Variants in CTNNA3 observed in about 807,000 individuals in gnomAD.
The protein encoded by CTNNA3 is catenin alpha-3.
In CTNNA3, 76 loss-of-function variants were observed where a neutral mutation model predicts 95.7. That is an observed-to-expected ratio of 0.79 (90% CI 0.66 to 0.96). CTNNA3 has a LOEUF of 0.96. Among genes scored for constraint, CTNNA3 ranks in the 40% least tolerant of loss-of-function variants. CTNNA3 has a pLI of 0.00. For missense variants in CTNNA3, 1,191 were observed against 1,089.8 expected (o/e 1.09, Z -1.31); for synonymous variants, 431 against 374.4 (o/e 1.15, Z -1.74).
intron 9 of CTNNA3, among the ~76,000 whole-genome samples, chr10:66,667,085 A>G (rs1440101115): frequency 2.6e-5 from 4 of 152,136 alleles, no homozygotes; most frequent in Admixed American, 1.3e-4. Flanking sequence ...CCTTAAAACT[A>G]TCTATCTAAC....
intron 11 of CTNNA3, among the ~76,000 whole-genome samples, chr10:66,478,629 AT>A (rs1839408670): frequency 1.3e-5 from 2 of 151,972 alleles, no homozygotes; most frequent in African/African-American, 4.8e-5. Flanking sequence ...TTAGATCATT[AT>A]TAGTAATAAA....
chr10:66,922,349 G>A (rs934317029), intron 7 of CTNNA3, among the ~76,000 whole-genome samples: 2 of 152,130 alleles, frequency 1.3e-5, no homozygotes, highest in African/African-American at 4.8e-5. Flanking sequence ...CAAGTAAAAG[G>A]AGAAAAAACT....
At chr10:67,041,422 C>T (rs1056974894) in intron 7 of CTNNA3, among the ~76,000 whole-genome samples, 1 of 152,032 alleles carries the variant, frequency 6.6e-6, no homozygotes, top group Admixed American at 6.6e-5. Context: ...TAACTGTATA[C>T]CTATGTTGCA....
At chr10:66,114,427 C>T (rs1479885683) in intron 13 of CTNNA3, among the ~76,000 whole-genome samples, 3 of 147,702 alleles carry the variant, frequency 2.0e-5, no homozygotes, top group East Asian at 2.0e-4. Flanking sequence ...TGTGTATATT[C>T]GTATGTATAT....
At chr10:65,939,255 T>A (rs1231441224) in intron 17 of CTNNA3, among the ~76,000 whole-genome samples, 1 of 152,180 alleles carries the variant, frequency 6.6e-6, no homozygotes, top group Non-Finnish European at 1.5e-5. Context: ...AATGTACATT[T>A]TGGCTACCGA....
chr10:66,633,145 A>G, intron 9 of CTNNA3, among the ~76,000 whole-genome samples: 1 of 152,186 alleles, frequency 6.6e-6, no homozygotes. Flanking sequence ...TCAGAACTGT[A>G]GCAATTCAAT....
chr10:66,671,878 A>G (rs1846673081), intron 9 of CTNNA3, among the ~76,000 whole-genome samples: 1 of 152,212 alleles, frequency 6.6e-6, no homozygotes, highest in Admixed American at 6.6e-5. Context: ...ATAAAATAGG[A>G]TAATACATAC....
chr10:66,555,490 A>G (rs544358985), intron 10 of CTNNA3, among the ~76,000 whole-genome samples: 1 of 152,142 alleles, frequency 6.6e-6, no homozygotes, highest in Admixed American at 6.5e-5. Context: ...CATGAAATTC[A>G]AGTGTAACTG....
At chr10:67,268,004 ATAAAATTTAAAAAAT>A (rs1564523617) in intron 5 of CTNNA3, among the ~76,000 whole-genome samples, 1 of 152,174 alleles carries the variant, frequency 6.6e-6, no homozygotes, top group African/African-American at 2.4e-5. Context: ...TAATAATTTG[ATAAAATTTAAAAAAT>A]TAAAATTTTC....
chr10:67,231,875 A>T (rs1308756569), intron 5 of CTNNA3, among the ~76,000 whole-genome samples: 1 of 152,250 alleles, frequency 6.6e-6, no homozygotes, highest in Non-Finnish European at 1.5e-5. Context: ...CAGAAGCCTC[A>T]GGAGCCGATG....
intron 9 of CTNNA3, among the ~76,000 whole-genome samples, chr10:66,634,889 C>T (rs1845282402): frequency 6.6e-6 from 1 of 152,010 alleles, no homozygotes; most frequent in South Asian, 2.1e-4. Context: ...CAAACTCAAA[C>T]ATATTTGGCT....
chr10:65,953,349 A>G (rs2077658466), intron 17 of CTNNA3, among the ~76,000 whole-genome samples: 1 of 152,016 alleles, frequency 6.6e-6, no homozygotes, highest in African/African-American at 2.4e-5. Context: ...TGTATTTTCC[A>G]TAGAAATTTT....
chr10:67,388,826 G>A (rs1454557864), intron 5 of CTNNA3, among the ~76,000 whole-genome samples: 2 of 151,982 alleles, frequency 1.3e-5, no homozygotes, highest in African/African-American at 4.8e-5. Flanking sequence ...CATAAGTGAA[G>A]GAGAAATAAA....
At chr10:67,350,781 G>A (rs1842602592) in intron 5 of CTNNA3, among the ~76,000 whole-genome samples, 1 of 151,142 alleles carries the variant, frequency 6.6e-6, no homozygotes, top group East Asian at 1.9e-4. Context: ...GTGAAAAACA[G>A]TTTTCCAGTT....
chr10:67,739,335 G>C (rs935018750), intron 1 of CTNNA3, among the ~76,000 whole-genome samples: 5 of 152,046 alleles, frequency 3.3e-5, no homozygotes, highest in Admixed American at 2.0e-4. Flanking sequence ...GGAAATAAAG[G>C]GTATTCAATT....
At chr10:66,038,553 T>C (rs2079615417) in intron 15 of CTNNA3, among the ~76,000 whole-genome samples, 1 of 152,264 alleles carries the variant, frequency 6.6e-6, no homozygotes, top group South Asian at 2.1e-4. Flanking sequence ...TTTTCAGTAC[T>C]GTTACTTGAA....
chr10:66,200,274 G>A (rs2087312972), intron 13 of CTNNA3, among the ~76,000 whole-genome samples: 1 of 151,798 alleles, frequency 6.6e-6, no homozygotes, highest in Non-Finnish European at 1.5e-5. Flanking sequence ...GAAGGCTTAA[G>A]CACCAGGGGA....
At chr10:66,976,986 G>A (rs1269647767) in intron 7 of CTNNA3, among the ~76,000 whole-genome samples, 1 of 152,128 alleles carries the variant, frequency 6.6e-6, no homozygotes, top group Non-Finnish European at 1.5e-5. Context: ...CCTTTCAGGT[G>A]AAAATCAATG....
At chr10:67,703,236 A>C (rs1432141415) in intron 1 of CTNNA3, among the ~76,000 whole-genome samples, 1 of 152,224 alleles carries the variant, frequency 6.6e-6, no homozygotes, top group East Asian at 1.9e-4. Context: ...AAACTATTCC[A>C]ATAAATAGAA....
Sources: gnomAD v4.1 joint callset for allele counts (sites outside exome capture counted in the v4.1 genomes callset) on GRCh38, gnomAD v4.1.1 for gene constraint, MANE v1.5 for transcripts, NCBI Gene and HGNC (gene_info 2026-07-23, HGNC 2026-07-21) for gene names.